The following FAT3 variants were observed in gnomAD, a reference collection of about 807,000 sequenced individuals.
The protein encoded by FAT3 is protocadherin Fat 3.
In FAT3, 95 loss-of-function variants were observed where a neutral mutation model predicts 310.2. The observed-to-expected ratio is 0.31, with a 90% CI of 0.26 to 0.36. FAT3 has a LOEUF of 0.36. FAT3 is among the 10% of genes least tolerant of loss of function. FAT3 has a pLI of 1.00. For synonymous variants in FAT3, 2,314 were observed against 2,192.9 expected (o/e 1.06, Z -1.54); for missense variants, 5,408 against 5,715.6 (o/e 0.95, Z 1.74).
At chr11:92,579,775 T>A (rs1454298982) in intron 3 of FAT3, among the ~76,000 whole-genome samples, 1 of 152,154 alleles carries the variant, frequency 6.6e-6, no homozygotes, top group Non-Finnish European at 1.5e-5. Flanking sequence ...GCACCTGTTA[T>A]GACAAAATAT....
intron 4 of FAT3, among the ~76,000 whole-genome samples, chr11:92,734,644 T>C (rs765947883): frequency 5.3e-5 from 8 of 151,986 alleles, no homozygotes; most frequent in Non-Finnish European, 1.2e-4. Context: ...CTATAAGTAC[T>C]CAAAAATGAA....
intron 1 of FAT3, among the ~76,000 whole-genome samples, chr11:92,300,430 T>C (rs1166391106): frequency 1.3e-5 from 2 of 152,160 alleles, no homozygotes; most frequent in African/African-American, 4.8e-5. Context: ...TACACACTTT[T>C]GTAACAAGTA....
intron 1 of FAT3, among the ~76,000 whole-genome samples, chr11:92,287,311 T>C (rs898109377): frequency 2.6e-5 from 4 of 152,136 alleles, no homozygotes; most frequent in Non-Finnish European, 5.9e-5. Flanking sequence ...ATTTAATTCT[T>C]TTGGCAGAAG....
In FAT3 at chr11:92,792,759, G is replaced by T; in HGVS notation, c.4612-8G>T. On this transcript the variant is annotated splice_region_variant and splice_polypyrimidine_tract_variant and intron_variant, in intron 8 of 27. Transcript: ENST00000525166. ...TGAGTCCCACCACTTCTTGTATTTTGCCTAAAGGTCAGAGATCAGGAGTTT... is the reference window on the plus strand; with the variant it reads ...TGAGTCCCACCACTTCTTGTATTTTTCCTAAAGGTCAGAGATCAGGAGTTT... The T allele has an allele frequency of 1.2e-6, 2 of 1,613,106 alleles. No homozygotes were observed. Among genetic ancestry groups the T allele is most frequent in the Non-Finnish European group, 1.7e-6 (2 of 1,179,400 alleles).
chr11:92,774,248 GA>G (rs906029183), intron 7 of FAT3, 68 bp downstream of exon 7: 357 of 1,425,328 alleles, frequency 2.5e-4, no homozygotes, highest in South Asian at 6.7e-4. Flanking sequence ...TGCAAGCAAT[GA>G]AAAAAAAATG....
chr11:92,396,642 C>T (rs1449447972), intron 2 of FAT3, among the ~76,000 whole-genome samples: 1 of 152,120 alleles, frequency 6.6e-6, no homozygotes, highest in East Asian at 1.9e-4. Context: ...TGGGTCTCCC[C>T]ATCTCATCAT....
chr11:92,615,539 G>A (rs935923090), intron 3 of FAT3, among the ~76,000 whole-genome samples: 4 of 152,062 alleles, frequency 2.6e-5, no homozygotes, highest in African/African-American at 7.2e-5. Flanking sequence ...AAGCCACCGC[G>A]CCTGACCTAG....
At chr11:92,232,012 C>A (rs1006677661) in intron 1 of FAT3, among the ~76,000 whole-genome samples, 2 of 152,022 alleles carry the variant, frequency 1.3e-5, no homozygotes, top group African/African-American at 4.8e-5. Flanking sequence ...GTTTGAAATT[C>A]TCTGTTGGTT....
At chr11:92,358,515 T>C (rs1948794908) in intron 2 of FAT3, among the ~76,000 whole-genome samples, 2 of 142,842 alleles carry the variant, frequency 1.4e-5, no homozygotes, top group Non-Finnish European at 2.9e-5. Context: ...CACAACTGGG[T>C]TTTTTCTCTG....
intron 3 of FAT3, among the ~76,000 whole-genome samples, chr11:92,628,279 GA>G (rs1941410245): frequency 6.6e-6 from 1 of 152,146 alleles, no homozygotes; most frequent in South Asian, 2.1e-4. Flanking sequence ...TATTTCAAAG[GA>G]ATCTTACTTG....
chr11:92,396,249 T>C (rs1249298404), intron 2 of FAT3, among the ~76,000 whole-genome samples: 3 of 152,174 alleles, frequency 2.0e-5, no homozygotes, highest in Admixed American at 2.0e-4. Flanking sequence ...TGAATCTACT[T>C]TGTTCTGAGG....
At chr11:92,833,679 A>T (rs1217190890) in intron 14 of FAT3, among the ~76,000 whole-genome samples, 3 of 152,216 alleles carry the variant, frequency 2.0e-5, no homozygotes, top group African/African-American at 7.2e-5. Context: ...GAGGAATTGC[A>T]TCACAGTCTC....
intron 4 of FAT3, among the ~76,000 whole-genome samples, chr11:92,722,732 A>G (rs1283865800): frequency 6.6e-6 from 1 of 152,206 alleles, no homozygotes; most frequent in African/African-American, 2.4e-5. Context: ...CCAAACCTCA[A>G]TAATTTACTT....
intron 4 of FAT3, among the ~76,000 whole-genome samples, chr11:92,740,940 G>T (rs1242150023): frequency 6.6e-6 from 1 of 151,850 alleles, no homozygotes; most frequent in Non-Finnish European, 1.5e-5. Flanking sequence ...TCTGTCTTTG[G>T]CAATTTACCT....
At chr11:92,886,365 CTG>C (rs1447607316) in intron 24 of FAT3, among the ~76,000 whole-genome samples, 1 of 151,370 alleles carries the variant, frequency 6.6e-6, no homozygotes, top group Non-Finnish European at 1.5e-5. Flanking sequence ...GCATGTGCAT[CTG>C]TGTGTTTCTG....
intron 1 of FAT3, among the ~76,000 whole-genome samples, chr11:92,263,037 A>AT (rs1184747833): frequency 6.6e-6 from 1 of 150,532 alleles, no homozygotes; most frequent in Admixed American, 6.6e-5. Flanking sequence ...GCTATACCAC[A>AT]TTGTTGATTC....
chr11:92,627,305 G>A (rs991728015), intron 3 of FAT3, among the ~76,000 whole-genome samples: 6 of 152,188 alleles, frequency 3.9e-5, no homozygotes, highest in African/African-American at 1.2e-4. Flanking sequence ...ATAGGTGAAG[G>A]TTCTATCGCA....
Position 92,310,903 on chromosome 11 carries a change from G to A in FAT3, c.-17-41193G>A, listed in dbSNP as rs531105504. On this transcript the variant is annotated intron_variant, in intron 1 of 27. Transcript: ENST00000525166. ...TTGCAAGACCAGAGATGTTTTGAGC[G>A]TAGGGTACAACCAGATTTTTTTCCA... 2.2e-4 allele frequency among the ~76,000 whole-genome samples: 33 copies of A among 151,938 alleles called. No homozygotes were observed. In the South Asian group the frequency reaches 2.9e-3, roughly 13 times the overall value.
intron 13 of FAT3, among the ~76,000 whole-genome samples, chr11:92,813,677 C>A (rs1469231617): frequency 6.6e-6 from 1 of 151,790 alleles, no homozygotes; most frequent in Non-Finnish European, 1.5e-5. Flanking sequence ...TAGTTTGTAA[C>A]CTTTTGAGAT....
Sources: allele counts gnomAD v4.1 joint callset (sites outside exome capture counted in the v4.1 genomes callset), GRCh38; gene constraint gnomAD v4.1.1; transcripts MANE v1.5; gene names NCBI Gene and HGNC (gene_info 2026-07-23, HGNC 2026-07-21).